The following RMDN3 variants were observed in gnomAD, a reference collection of about 807,000 sequenced individuals.
The protein encoded by RMDN3 is regulator of microtubule dynamics protein 3.
Under a neutral mutation model 61.8 loss-of-function variants are expected in RMDN3, and 41 were observed. That is an observed-to-expected ratio of 0.66 (90% confidence interval 0.52 to 0.86). The LOEUF (loss-of-function observed/expected upper bound fraction) is 0.86, where lower values mean the gene tolerates loss of function less well. Ranked by LOEUF, RMDN3 falls within the 40% of genes least tolerant of loss-of-function variation. The probability of loss-of-function intolerance (pLI) is 0.00; values close to 1 mark genes in which losing one functional copy is unlikely to be tolerated. For synonymous variants in RMDN3, 247 were observed against 232.0 expected (o/e 1.06, Z -0.59); for missense variants, 557 against 585.3 (o/e 0.95, Z 0.50).
chr15:40,746,819 C>T (rs1308105784), intron 4 of RMDN3, among the ~76,000 whole-genome samples: 2 of 152,084 alleles, frequency 1.3e-5, no homozygotes, highest in Non-Finnish European at 2.9e-5. Context: ...TAAAACCTTT[C>T]CTAACTGCAC....
At chr15:40,743,547 C>T (rs1897365843) in intron 6 of RMDN3, among the ~76,000 whole-genome samples, 1 of 152,178 alleles carries the variant, frequency 6.6e-6, no homozygotes, top group African/African-American at 2.4e-5. Flanking sequence ...ATTCTCTGAC[C>T]TCATGACAGA....
chr15:40,745,746 G>A (rs1377885246), intron 4 of RMDN3, among the ~76,000 whole-genome samples: 1 of 152,158 alleles, frequency 6.6e-6, no homozygotes, highest in Non-Finnish European at 1.5e-5. Context: ...CAGACAACCA[G>A]CTGAGGCCCT....
chr15:40,748,924 G>A (rs1897694213), intron 4 of RMDN3, among the ~76,000 whole-genome samples: 1 of 138,602 alleles, frequency 7.2e-6, no homozygotes, highest in Non-Finnish European at 1.5e-5. Context: ...TTTTTTTTGA[G>A]ACAGAGTACT....
rs113766831 is a variant in RMDN3 at position 40,749,644 on chromosome 15, T to A, written c.524+1782A>T. Among the ~76,000 whole-genome samples the A allele has an allele frequency of 8.0e-3, 1,215 of 152,362 alleles. 20 individuals carry two copies. Among genetic ancestry groups the A allele is most frequent in the African/African-American group, 0.028 (1,154 of 41,588 alleles). ...TTCAAACATCAATTCCCCACCCAAG[T>A]GGCCTGCTTCCTTGGGTTGCAGAGA... is the stretch of plus-strand genomic sequence containing the variant. On this transcript the variant is annotated intron_variant, in intron 4 of 12. Transcript: ENST00000338376.
intron 7 of RMDN3, 102 bp downstream of exon 7, chr15:40,740,031 T>G: frequency 1.3e-6 from 1 of 765,298 alleles, no homozygotes; most frequent in Non-Finnish European, 2.3e-6. Flanking sequence ...CTCTCCTGGA[T>G]CCTTTGGAAA....
intron 4 of RMDN3, among the ~76,000 whole-genome samples, chr15:40,748,602 ACTT>A (rs1417142418): frequency 6.6e-5 from 10 of 152,058 alleles, no homozygotes; most frequent in Non-Finnish European, 1.5e-4. Flanking sequence ...AGAAGTTTGT[ACTT>A]CTTTATTTTT....
chr15:40,742,787 A>G (rs540891195), intron 6 of RMDN3, among the ~76,000 whole-genome samples: 1 of 152,348 alleles, frequency 6.6e-6, no homozygotes, highest in African/African-American at 2.4e-5. Flanking sequence ...AGCACTAATA[A>G]GAGATGACCA....
chr15:40,738,422 A>G (rs1399040105), intron 8 of RMDN3, 79 bp downstream of exon 8: 1 of 1,402,230 alleles, frequency 7.1e-7, no homozygotes, highest in African/African-American at 1.4e-5. Flanking sequence ...GCTGTAGAAA[A>G]GTTTTTGGCA....
At chr15:40,737,234 C>G (rs1444292271) in intron 11 of RMDN3, 30 bp from the exon 12 acceptor site, 2 of 1,610,144 alleles carry the variant, frequency 1.2e-6, no homozygotes, top group Admixed American at 1.7e-5. Flanking sequence ...AAACCTGATA[C>G]TGTGTACTTT....
chr15:40,739,430 G>A (rs901402474), intron 7 of RMDN3: 3 of 152,248 alleles, frequency 2.0e-5, no homozygotes, highest in African/African-American at 7.2e-5. Context: ...CCTGGCCTCT[G>A]AGAAGAACCC....
chr15:40,737,450 T>A lies in RMDN3; in HGVS notation c.1225-109A>T, dbSNP rs1234048505. On this transcript the variant is annotated intron_variant, in intron 10 of 12. Transcript: ENST00000338376. ...CCAACCATGTGGCTGATTCAGTGGG[T>A]CTGAAGAAACCTATATTTTTGATAA... 122 of 1,202,590 alleles carry A rather than the reference T, an allele frequency of 1.0e-4. No individual in the cohort carries two copies. The South Asian group carries it at 1.5e-3, about 15-fold the overall frequency. 74.5% of individuals were successfully genotyped at this position (1,202,590 alleles called of 1,614,324 possible). A position where few individuals can be genotyped will look rare whatever the true frequency, so the allele number is the denominator to read the frequency against.
Position 40,736,001 on chromosome 15 carries a change from C to CCAGGACACTGGAAGTTATCAAGT in RMDN3, c.*517_*539dup, listed in dbSNP as rs1897023708. Reference sequence around the variant, plus strand: ...ACCACTGCTGTCATTCCAAAAGCTGCCAGGACACTGGAAGTTATCAAGTGG... The same window carrying CCAGGACACTGGAAGTTATCAAGT: ...ACCACTGCTGTCATTCCAAAAGCTGCCAGGACACTGGAAGTTATCAAGTCAGGACACTGGAAGTTATCAAGTGG... On this transcript the variant is annotated 3_prime_UTR_variant, in exon 13 of 13. Coordinates refer to ENST00000338376, the MANE Select transcript of RMDN3 (RefSeq NM_018145.3). 6.6e-6 allele frequency: 1 copy of CCAGGACACTGGAAGTTATCAAGT among 152,200 alleles called. No homozygotes were observed. Among genetic ancestry groups the CCAGGACACTGGAAGTTATCAAGT allele is most frequent in the Admixed American group, 6.6e-5 (1 of 15,260 alleles). The allele number at this position is 152,200 out of a possible 1,614,324, so 9.4% of individuals were successfully genotyped here.
chr15:40,745,212 T>C lies in RMDN3; in HGVS notation c.572A>G (p.Lys191Arg), dbSNP rs183230311. 4 of 1,614,030 alleles carry C rather than the reference T, an allele frequency of 2.5e-6. No homozygotes were observed. In the Admixed American group the frequency reaches 5.0e-5, roughly 20 times the overall value. ...TTCATCTTCCCCGTCCTCACTTTCT[T>C]TGTCAGAGTCCCGCTCATTGTCAGA... ...AESDNERDSD[K>R]ESEDGEDEVS... The change falls in exon 5 of 13, where the codon AAA becomes AGA. Residue 191 changes from lysine (K) to arginine (R), a missense_variant. Lys to Arg is a conservative substitution (Grantham distance 26). Transcript: ENST00000338376.
intron 4 of RMDN3, among the ~76,000 whole-genome samples, chr15:40,749,387 C>T (rs1040841551): frequency 2.6e-5 from 4 of 152,218 alleles, no homozygotes; most frequent in Non-Finnish European, 4.4e-5. Flanking sequence ...CATGGTGGCA[C>T]ATGCCTGTAG....
chr15:40,751,959 A>G (rs773176112), intron 3 of RMDN3, 27 bp downstream of exon 3: 2 of 1,604,730 alleles, frequency 1.2e-6, no homozygotes, highest in Non-Finnish European at 1.7e-6. Context: ...GGAGGGATAA[A>G]GCAGGAGAAG....
intron 4 of RMDN3, among the ~76,000 whole-genome samples, chr15:40,748,756 C>T (rs547523310): frequency 5.7e-4 from 86 of 152,102 alleles, no homozygotes; most frequent in African/African-American, 1.9e-3. Context: ...TGCACCACCA[C>T]GCCCAGCTAA....
At chr15:40,740,325 G>T in intron 6 of RMDN3, 132 bp from the exon 7 acceptor site, 1 of 706,402 alleles carries the variant, frequency 1.4e-6, no homozygotes, top group South Asian at 1.5e-5. Flanking sequence ...AAATAGTTGT[G>T]AACTTGAGCA....
At chr15:40,737,228 C>T (rs767352679) in intron 11 of RMDN3, 24 bp from the exon 12 acceptor site, 5 of 1,612,426 alleles carry the variant, frequency 3.1e-6, no homozygotes, top group Non-Finnish European at 4.2e-6. Context: ...ACAGTGAAAC[C>T]TGATACTGTG....
At chr15:40,741,619 G>GTTTTTTTTTTTT (rs1333820266) in intron 6 of RMDN3, among the ~76,000 whole-genome samples, 6 of 60,986 alleles carry the variant, frequency 9.8e-5, no homozygotes, top group Admixed American at 1.9e-4. Context: ...TGCAACATAG[G>GTTTTTTTTTTTT]ATTTTTTTTT....
Sources: allele counts gnomAD v4.1 joint callset (sites outside exome capture counted in the v4.1 genomes callset), GRCh38; gene constraint gnomAD v4.1.1; transcripts MANE v1.5; gene names NCBI Gene and HGNC (gene_info 2026-07-23, HGNC 2026-07-21).